Variants in CADPS2 observed in about 807,000 individuals in gnomAD.
The protein encoded by CADPS2 is calcium-dependent secretion activator 2.
CADPS2 carries 93 observed loss-of-function variants against 172.5 expected under a neutral mutation model. The observed-to-expected ratio is 0.54, with a 90% confidence interval of 0.46 to 0.64. The LOEUF (loss-of-function observed/expected upper bound fraction) is 0.64, where lower values mean the gene tolerates loss of function less well. Ranked by LOEUF, CADPS2 falls within the 30% of genes least tolerant of loss-of-function variation. The pLI is 0.00. For synonymous variants in CADPS2, 546 were observed against 555.2 expected (o/e 0.98, Z 0.23); for missense variants, 1,420 against 1,565.9 (o/e 0.91, Z 1.57).
intron 8 of CADPS2, among the ~76,000 whole-genome samples, chr7:122,534,554 T>A (rs985337640): frequency 6.6e-6 from 1 of 152,042 alleles, no homozygotes; most frequent in Non-Finnish European, 1.5e-5. Flanking sequence ...AGATGAGAAA[T>A]AAATGTCAAA....
chr7:122,588,586 T>C (rs2133117880), intron 6 of CADPS2, among the ~76,000 whole-genome samples: 1 of 152,126 alleles, frequency 6.6e-6, no homozygotes, highest in East Asian at 1.9e-4. Flanking sequence ...CTTCTAATAA[T>C]AGAATAAAAG....
At chr7:122,875,324 C>T (rs1487497991) in intron 1 of CADPS2, among the ~76,000 whole-genome samples, 3 of 152,150 alleles carry the variant, frequency 2.0e-5, no homozygotes, top group Middle Eastern at 3.4e-3. Flanking sequence ...GTGGATCAAA[C>T]GAAGTTAATT....
intron 8 of CADPS2, among the ~76,000 whole-genome samples, chr7:122,531,015 C>T (rs556264381): frequency 6.6e-6 from 1 of 152,238 alleles, no homozygotes; most frequent in South Asian, 2.1e-4. Context: ...CCAACAACAA[C>T]TAAGAGTTAA....
chr7:122,832,966 C>T (rs17144992), intron 1 of CADPS2, among the ~76,000 whole-genome samples: 19,967 of 152,100 alleles, frequency 0.13, 1,364 homozygotes, highest in South Asian at 0.21. Flanking sequence ...ATACATTTCT[C>T]GTCTTTAACT....
At chr7:122,721,020 C>A (rs916907996) in intron 2 of CADPS2, among the ~76,000 whole-genome samples, 5 of 151,958 alleles carry the variant, frequency 3.3e-5, no homozygotes, top group African/African-American at 1.2e-4. Flanking sequence ...ATTCATGTAT[C>A]AATTTCTGTG....
chr7:122,879,133 A>C (rs915020848), intron 1 of CADPS2, among the ~76,000 whole-genome samples: 2 of 151,120 alleles, frequency 1.3e-5, no homozygotes, highest in Non-Finnish European at 2.9e-5. Context: ...GCTACTCGAG[A>C]GGCCGAGGCA....
rs1563639604 is a variant in CADPS2, at chr7:122,539,753, C to CTGTT, written c.1475+14796_1475+14797insAACA. On this transcript the variant is annotated intron_variant, in intron 8 of 29. Coordinates refer to ENST00000449022, the MANE Select transcript of CADPS2 (RefSeq NM_017954.11). ...TGCCTGTCTGTCCCTCTCTCTCTGT[C>CTGTT]TCTCTCTGTCTCTGTCTCTCTCTTT... Among the ~76,000 whole-genome samples the CTGTT allele has an allele frequency of 1.4e-3, 213 of 151,648 alleles. 1 individual carries two copies. The highest frequency in any genetic ancestry group is 4.8e-3 in the African/African-American group (199 of 41,400).
At chr7:122,550,063 G>A (rs2064068003) in intron 8 of CADPS2, among the ~76,000 whole-genome samples, 1 of 152,164 alleles carries the variant, frequency 6.6e-6, no homozygotes, top group Non-Finnish European at 1.5e-5. Context: ...TATTTAGTGT[G>A]TGAATGCAGT....
At chr7:122,381,154 C>T (rs987762009) in intron 24 of CADPS2, among the ~76,000 whole-genome samples, 1 of 152,128 alleles carries the variant, frequency 6.6e-6, no homozygotes, top group Non-Finnish European at 1.5e-5. Context: ...CCCCCAGCTC[C>T]TGGCTGAAAG....
chr7:122,436,703 G>A (rs1399958303), intron 17 of CADPS2, among the ~76,000 whole-genome samples: 4 of 151,882 alleles, frequency 2.6e-5, no homozygotes, highest in East Asian at 3.9e-4. Flanking sequence ...AGATAAGAGA[G>A]AAGTGACTTC....
chr7:122,505,787 T>C (rs2059566689), intron 9 of CADPS2, among the ~76,000 whole-genome samples: 2 of 152,204 alleles, frequency 1.3e-5, no homozygotes, highest in Non-Finnish European at 2.9e-5. Flanking sequence ...TGATTCCTGG[T>C]TCTGTTTCCA....
At chr7:122,558,736 T>C (rs1196092851) in intron 7 of CADPS2, among the ~76,000 whole-genome samples, 4 of 152,308 alleles carry the variant, frequency 2.6e-5, no homozygotes, top group Admixed American at 2.0e-4. Context: ...GGTTCAGAAG[T>C]AGCTTTCTCT....
At chr7:122,810,582 TATGTAATA>T (rs1165040226) in intron 1 of CADPS2, among the ~76,000 whole-genome samples, 3 of 152,196 alleles carry the variant, frequency 2.0e-5, no homozygotes, top group Non-Finnish European at 4.4e-5. Flanking sequence ...CCCAACAGGC[TATGTAATA>T]ATGTAATAAT....
In CADPS2 at chr7:122,851,727, A is replaced by T. The variant is rs561768185; in HGVS notation, c.339+34272T>A. On this transcript the variant is annotated intron_variant, in intron 1 of 29. Coordinates refer to ENST00000449022, the MANE Select transcript of CADPS2 (RefSeq NM_017954.11). ...AGTGTGTGCAGGGAAACTCCTCTTT[A>T]TAAAACCATCAGATCTCATGAGACT... Among the ~76,000 whole-genome samples the T allele has an allele frequency of 6.4e-4, 97 of 152,240 alleles. 1 individual carries two copies. The highest frequency in any genetic ancestry group is 3.4e-3 in the Middle Eastern group (1 of 294).
At chr7:122,342,242 G>A (rs960438216) in intron 28 of CADPS2, among the ~76,000 whole-genome samples, 2 of 152,218 alleles carry the variant, frequency 1.3e-5, no homozygotes, top group South Asian at 2.1e-4. Context: ...GATTTTATAC[G>A]GTAAATGGCT....
intron 7 of CADPS2, among the ~76,000 whole-genome samples, chr7:122,558,831 A>T (rs1202245276): frequency 6.6e-6 from 1 of 151,698 alleles, no homozygotes; most frequent in East Asian, 1.9e-4. Flanking sequence ...TTTGTGCATA[A>T]ACTCTGTGAT....
intron 14 of CADPS2, among the ~76,000 whole-genome samples, chr7:122,458,182 T>C (rs1377511017): frequency 6.6e-6 from 1 of 152,210 alleles, no homozygotes; most frequent in African/African-American, 2.4e-5. Flanking sequence ...GTGGTATTTC[T>C]GAATTGTCAA....
intron 2 of CADPS2, chr7:122,702,171 G>C: frequency 6.2e-7 from 1 of 1,613,660 alleles, no homozygotes; most frequent in South Asian, 1.1e-5. Context: ...AAGGTAAATA[G>C]ATACATGATG....
intron 2 of CADPS2, among the ~76,000 whole-genome samples, chr7:122,705,991 ATT>A (rs1182719280): frequency 3.4e-5 from 3 of 89,490 alleles, no homozygotes; most frequent in African/African-American, 1.4e-4. Flanking sequence ...AATATTATAT[ATT>A]ATATAATATT....
Sources: allele counts gnomAD v4.1 joint callset (sites outside exome capture counted in the v4.1 genomes callset), GRCh38; gene constraint gnomAD v4.1.1; transcripts MANE v1.5; gene names NCBI Gene and HGNC (gene_info 2026-07-23, HGNC 2026-07-21).